The following THEMIS variants were observed in gnomAD, a reference collection of about 807,000 sequenced individuals.
THEMIS encodes protein THEMIS.
A neutral mutation model predicts 52.6 loss-of-function variants in THEMIS; 37 were observed. The ratio of observed to expected loss-of-function variants is 0.70; its 90% CI spans 0.54 to 0.93. The LOEUF (loss-of-function observed/expected upper bound fraction) is 0.93. Ranked by LOEUF, THEMIS falls within the 40% of genes least tolerant of loss-of-function variation. The pLI, the probability that THEMIS is intolerant of heterozygous loss-of-function variation, is 0.00. For synonymous variants in THEMIS, 292 were observed against 272.7 expected (o/e 1.07, Z -0.70); for missense variants, 808 against 763.1 (o/e 1.06, Z -0.69).
chr6:127,772,256 A>C lies in THEMIS; in HGVS notation c.1758+40627T>G, dbSNP rs1417915868. On this transcript the variant is annotated intron_variant, in intron 4 of 5. Coordinates refer to ENST00000368248, the MANE Select transcript of THEMIS (RefSeq NM_001010923.3). ...GGAATTGCTAGGTCAAAAAGTACAC[A>C]TACAAGGCACAAGATAATTATTTTT... 2.0e-5 allele frequency among the ~76,000 whole-genome samples: 3 copies of C among 152,090 alleles called. 1 individual carries two copies. Among genetic ancestry groups the C allele is most frequent in the African/African-American group, 7.2e-5 (3 of 41,442 alleles).
chr6:127,891,710 G>T (rs1012958279), intron 1 of THEMIS, among the ~76,000 whole-genome samples: 2 of 151,890 alleles, frequency 1.3e-5, no homozygotes, highest in Non-Finnish European at 2.9e-5. Flanking sequence ...CCTCACTAAT[G>T]CCTGTTCTCC....
At chr6:127,902,051 A>G (rs1403429774), upstream of THEMIS, among the ~76,000 whole-genome samples, 1 of 152,012 alleles carries the variant, frequency 6.6e-6, no homozygotes, top group Admixed American at 6.6e-5. Context: ...GAGGCTGGGT[A>G]CGGTGGCTCA....
At chr6:127,746,935 T>C (rs1775437036) in intron 4 of THEMIS, among the ~76,000 whole-genome samples, 1 of 81,460 alleles carries the variant, frequency 1.2e-5, no homozygotes, top group Non-Finnish European at 2.1e-5. Flanking sequence ...ATATCTATAA[T>C]TATATTATAT....
At chr6:127,706,317 A>T (rs1440941287), downstream of THEMIS, among the ~76,000 whole-genome samples, 1 of 152,114 alleles carries the variant, frequency 6.6e-6, no homozygotes, top group Non-Finnish European at 1.5e-5. Flanking sequence ...TTATCACAAC[A>T]ACTCTACAAT....
chr6:127,890,240 A>G (rs549537368), intron 1 of THEMIS, among the ~76,000 whole-genome samples: 3 of 152,320 alleles, frequency 2.0e-5, no homozygotes, highest in South Asian at 4.1e-4. Context: ...ACTGGGTCAC[A>G]TGATAATCAG....
chr6:127,810,916 T>C (rs914649528), intron 4 of THEMIS, among the ~76,000 whole-genome samples: 2 of 151,310 alleles, frequency 1.3e-5, no homozygotes, highest in Non-Finnish European at 2.9e-5. Context: ...AGAAAGCCAA[T>C]ATGTAATGAA....
chr6:127,738,940 A>G (rs1344721687), intron 4 of THEMIS, among the ~76,000 whole-genome samples: 1 of 152,188 alleles, frequency 6.6e-6, no homozygotes, highest in East Asian at 1.9e-4. Context: ...GCCAATTACC[A>G]CAAACAGGGT....
upstream of THEMIS, among the ~76,000 whole-genome samples, chr6:127,904,608 C>T (rs1781222467): frequency 6.6e-6 from 1 of 151,964 alleles, no homozygotes; most frequent in Non-Finnish European, 1.5e-5. Context: ...AATACAACAT[C>T]TATAATTAAG....
chr6:127,813,488 C>A lies in THEMIS; in HGVS notation c.1153G>T (p.Val385Phe). 6.2e-7 allele frequency: 1 copy of A among 1,614,034 alleles called. No individual in the cohort carries two copies. Among genetic ancestry groups the A allele is most frequent in the Non-Finnish European group, 8.5e-7 (1 of 1,179,996 alleles). Reference sequence around the variant, plus strand: ...TGATGCACCAGAAACTGGTCCCCAACAGATACGGATGACAGCTTGTCATGA... The same window carrying A: ...TGATGCACCAGAAACTGGTCCCCAAAAGATACGGATGACAGCTTGTCATGA... Reference protein sequence around the residue: ...SPHDKLSSVSVGDQFLVHQSE... With the variant: ...SPHDKLSSVSFGDQFLVHQSE... Residue 385 changes from valine to phenylalanine, a missense_variant, in exon 4 of 6, where the codon GTT becomes TTT. Transcript: ENST00000368248.
intron 4 of THEMIS, among the ~76,000 whole-genome samples, chr6:127,724,067 G>C (rs1774455229): frequency 6.6e-6 from 1 of 152,036 alleles, no homozygotes; most frequent in Non-Finnish European, 1.5e-5. Flanking sequence ...TCAGTGGCCA[G>C]TATATAGTCA....
chr6:127,855,442 C>G (rs1216840348), intron 1 of THEMIS, among the ~76,000 whole-genome samples: 1 of 151,892 alleles, frequency 6.6e-6, no homozygotes, highest in Non-Finnish European at 1.5e-5. Context: ...ATTTCCTCAG[C>G]ACCCTCAGCT....
intron 4 of THEMIS, among the ~76,000 whole-genome samples, chr6:127,782,411 C>T (rs757082672): frequency 1.3e-5 from 2 of 152,168 alleles, no homozygotes; most frequent in Non-Finnish European, 2.9e-5. Context: ...TGCTTGAAAC[C>T]CAGGGCCCTA....
chr6:127,700,977 T>C, the THEMIS span, among the ~76,000 whole-genome samples: 14 of 152,246 alleles, frequency 9.2e-5, no homozygotes, highest in South Asian at 2.7e-3. Flanking sequence ...CCAGGATAAG[T>C]ACTATTTTCA....
chr6:127,913,416 T>C (rs1030167841), intron 1 of THEMIS, among the ~76,000 whole-genome samples: 4 of 152,232 alleles, frequency 2.6e-5, no homozygotes, highest in African/African-American at 9.6e-5. Context: ...TCTACTTTGA[T>C]TGGATGCACT....
At chr6:127,885,228 G>T (rs1462663336) in intron 1 of THEMIS, among the ~76,000 whole-genome samples, 3 of 152,038 alleles carry the variant, frequency 2.0e-5, no homozygotes, top group Non-Finnish European at 4.4e-5. Flanking sequence ...ACTATTCCCT[G>T]AGAAGTTTCT....
chr6:127,761,700 A>G (rs1292176787), intron 4 of THEMIS, among the ~76,000 whole-genome samples: 4 of 152,090 alleles, frequency 2.6e-5, no homozygotes, highest in Non-Finnish European at 5.9e-5. Context: ...TTCTTTTTGT[A>G]GTGCTGACTT....
the THEMIS span, among the ~76,000 whole-genome samples, chr6:127,697,399 A>G: frequency 6.6e-6 from 1 of 152,202 alleles, no homozygotes; most frequent in South Asian, 2.1e-4. Flanking sequence ...CCTCACTGAT[A>G]TTGCTTCTTC....
At chr6:127,735,339 G>C (rs1431043250) in intron 4 of THEMIS, among the ~76,000 whole-genome samples, 2 of 151,664 alleles carry the variant, frequency 1.3e-5, no homozygotes, top group Non-Finnish European at 2.9e-5. Flanking sequence ...GTGTGTGTCT[G>C]TGTGTGTATG....
At chr6:127,787,550 C>T (rs1220573930) in intron 4 of THEMIS, among the ~76,000 whole-genome samples, 1 of 152,106 alleles carries the variant, frequency 6.6e-6, no homozygotes, top group African/African-American at 2.4e-5. Context: ...CTCAACTGTC[C>T]TGAAAGTATG....
Sources: allele counts gnomAD v4.1 joint callset (sites outside exome capture counted in the v4.1 genomes callset), GRCh38; gene constraint gnomAD v4.1.1; transcripts MANE v1.5; gene names NCBI Gene and HGNC (gene_info 2026-07-23, HGNC 2026-07-21).